Variants in NTRK2 observed in about 807,000 individuals in gnomAD.
NTRK2 encodes the protein neurotrophic receptor tyrosine kinase 2.
A neutral mutation model predicts 94.5 loss-of-function variants in NTRK2; 13 were observed. That is an observed-to-expected ratio of 0.14 (90% CI 0.09 to 0.22). The LOEUF (loss-of-function observed/expected upper bound fraction) is 0.22. Among genes scored for constraint, NTRK2 ranks in the 10% least tolerant of loss-of-function variants. NTRK2 has a pLI of 1.00. For synonymous variants in NTRK2, 372 were observed against 407.4 expected (o/e 0.91, Z 1.05); for missense variants, 639 against 1,071.2 (o/e 0.60, Z 5.63).
At chr9:84,797,657 A>G (rs2069608777) in intron 12 of NTRK2, among the ~76,000 whole-genome samples, 2 of 40,446 alleles carry the variant, frequency 4.9e-5, no homozygotes, top group African/African-American at 3.5e-4. Context: ...AATAATATAT[A>G]TATTATATAT....
intron 12 of NTRK2, chr9:84,814,788 G>A (rs961976938): frequency 9.4e-7 from 1 of 1,064,320 alleles, no homozygotes; most frequent in Non-Finnish European, 1.1e-6. Flanking sequence ...CTCAGGGTTG[G>A]TGCATCCAGC....
intron 17 of NTRK2, among the ~76,000 whole-genome samples, chr9:84,981,777 G>A (rs962521530): frequency 6.6e-6 from 1 of 152,150 alleles, no homozygotes; most frequent in Non-Finnish European, 1.5e-5. Flanking sequence ...GTTTCAAAAT[G>A]TTTTGAATCA....
intron 12 of NTRK2, among the ~76,000 whole-genome samples, chr9:84,829,839 A>G (rs1374275795): frequency 2.0e-5 from 3 of 152,168 alleles, no homozygotes; most frequent in Admixed American, 6.5e-5. Context: ...GAACTCCTGG[A>G]CTGCTGCTGC....
At chr9:85,012,220 C>T (rs1472904032) in intron 17 of NTRK2, among the ~76,000 whole-genome samples, 1 of 151,984 alleles carries the variant, frequency 6.6e-6, no homozygotes, top group African/African-American at 2.4e-5. Flanking sequence ...ATCTCTTGAC[C>T]TTATGACCCT....
At chr9:85,004,239 G>T (rs1343317761) in intron 17 of NTRK2, among the ~76,000 whole-genome samples, 1 of 151,886 alleles carries the variant, frequency 6.6e-6, no homozygotes, top group Admixed American at 6.6e-5. Flanking sequence ...GGGGAAGATT[G>T]TTCCAAAGTC....
intron 12 of NTRK2, among the ~76,000 whole-genome samples, chr9:84,818,936 A>G (rs952326146): frequency 1.3e-5 from 2 of 152,132 alleles, no homozygotes; most frequent in Non-Finnish European, 2.9e-5. Context: ...GGTCACTTCA[A>G]TGTGCCTGTC....
intron 6 of NTRK2, among the ~76,000 whole-genome samples, chr9:84,721,262 G>A (rs1045192558): frequency 1.5e-4 from 22 of 151,516 alleles, no homozygotes; most frequent in Non-Finnish European, 2.6e-4. Context: ...TGCAAGCTCC[G>A]CCTCCCGGGT....
At chr9:84,815,906 A>G (rs1411290681) in intron 12 of NTRK2, among the ~76,000 whole-genome samples, 1 of 152,068 alleles carries the variant, frequency 6.6e-6, no homozygotes, top group Non-Finnish European at 1.5e-5. Context: ...AAGGTCTTTT[A>G]AAATTCCTGT....
rs555358902 is a variant in NTRK2 at position 84,995,477 on chromosome 9, A to G, written c.2173-24729A>G. On this transcript the variant is annotated intron_variant, in intron 17 of 18. Coordinates refer to ENST00000277120, the MANE Select transcript of NTRK2 (RefSeq NM_006180.6). The stretch of plus-strand genomic sequence containing the variant: ...TCCCAGTTGCCCAAATGAATAACAC[A>G]TATGACTTCTGTCAGTTTTGAACTG... 6.2e-4 allele frequency among the ~76,000 whole-genome samples: 95 copies of G among 152,314 alleles called. 1 individual carries two copies. Among genetic ancestry groups the G allele is most frequent in the African/African-American group, 2.1e-3 (86 of 41,568 alleles).
intron 12 of NTRK2, among the ~76,000 whole-genome samples, chr9:84,754,406 T>G (rs1588384534): frequency 6.6e-6 from 1 of 152,284 alleles, no homozygotes; most frequent in Non-Finnish European, 1.5e-5. Flanking sequence ...GTTTTGCAAG[T>G]CAGATGTCGA....
At chr9:84,781,767 T>C (rs2067593320) in intron 12 of NTRK2, among the ~76,000 whole-genome samples, 1 of 152,156 alleles carries the variant, frequency 6.6e-6, no homozygotes, top group Non-Finnish European at 1.5e-5. Context: ...AAGTCTATAC[T>C]TCATTTAAAT....
intron 12 of NTRK2, among the ~76,000 whole-genome samples, chr9:84,801,508 T>C (rs2070448887): frequency 6.6e-6 from 1 of 152,196 alleles, no homozygotes; most frequent in East Asian, 1.9e-4. Context: ...TATTCTCCTG[T>C]GACGCTGAGC....
chr9:84,788,867 C>T lies in NTRK2; in HGVS notation c.1396+36782C>T, dbSNP rs75494976. Among the ~76,000 whole-genome samples, 339 of 152,194 alleles carry T rather than the reference C, an allele frequency of 2.2e-3. 8 individuals are homozygous for T. The East Asian group carries it at 0.05, about 23-fold the overall frequency. ...TGGCTACCTCCCAGGCAGTGAGAAA[C>T]AAGGAATTAGAACACAGCCCACACC... On this transcript the variant is annotated intron_variant, in intron 12 of 18. Coordinates refer to ENST00000277120, the MANE Select transcript of NTRK2 (RefSeq NM_006180.6).
chr9:84,713,485 T>A (rs2061533932), intron 6 of NTRK2, among the ~76,000 whole-genome samples: 1 of 152,222 alleles, frequency 6.6e-6, no homozygotes, highest in South Asian at 2.1e-4. Flanking sequence ...CCTGGCTTTT[T>A]TGAAGATGTC....
rs1409947830 is a variant in NTRK2, at chr9:85,021,466, A to G, written c.*29A>G. ...CCTTTTCCCCAGACCGATCCTTCCC[A>G]ACGTACTCCTCAGACGGGCTGAGAG... On this transcript the variant is annotated 3_prime_UTR_variant, in exon 19 of 19. Coordinates refer to ENST00000277120, the MANE Select transcript of NTRK2 (RefSeq NM_006180.6). 1.2e-6 allele frequency: 2 copies of G among 1,609,604 alleles called. No homozygotes were observed. The highest frequency in any genetic ancestry group is 1.7e-5 in the Admixed American group (1 of 59,988).
At chr9:84,909,078 C>T (rs2077161042) in intron 14 of NTRK2, among the ~76,000 whole-genome samples, 1 of 152,128 alleles carries the variant, frequency 6.6e-6, no homozygotes, top group Non-Finnish European at 1.5e-5. Context: ...TAGCTACACC[C>T]ACTTTCCTCC....
At chr9:84,739,204 C>G (rs1003363672) in intron 9 of NTRK2, among the ~76,000 whole-genome samples, 3 of 152,014 alleles carry the variant, frequency 2.0e-5, no homozygotes, top group African/African-American at 7.3e-5. Flanking sequence ...GCATGCACCA[C>G]CATGCCTCGC....
chr9:85,005,899 C>T (rs1023206420), intron 17 of NTRK2, among the ~76,000 whole-genome samples: 2 of 152,164 alleles, frequency 1.3e-5, no homozygotes, highest in Non-Finnish European at 1.5e-5. Context: ...CAGTATTTAT[C>T]ACCACCTGAA....
At chr9:84,986,314 G>A (rs906417989) in intron 17 of NTRK2, among the ~76,000 whole-genome samples, 23 of 152,124 alleles carry the variant, frequency 1.5e-4, no homozygotes, top group African/African-American at 5.3e-4. Context: ...CCATGGACAG[G>A]GGTTGTGAGG....
Sources: allele counts gnomAD v4.1 joint callset (sites outside exome capture counted in the v4.1 genomes callset), GRCh38; gene constraint gnomAD v4.1.1; transcripts MANE v1.5; gene names NCBI Gene and HGNC (gene_info 2026-07-23, HGNC 2026-07-21).